EPCAM: variants seen among roughly 807,000 people sequenced by gnomAD.
EPCAM encodes adenocarcinoma-associated antigen.
In EPCAM, 39 loss-of-function variants were observed where a neutral mutation model predicts 40.0. The observed-to-expected ratio is 0.98, with a 90% CI of 0.76 to 1.27. The LOEUF (loss-of-function observed/expected upper bound fraction) is 1.27, where lower values mean the gene tolerates loss of function less well. Among genes scored for constraint, EPCAM ranks in the 50% most tolerant of loss-of-function variants. The pLI, the probability that EPCAM is intolerant of heterozygous loss-of-function variation, is 0.00. For synonymous variants in EPCAM, 168 were observed against 132.3 expected (o/e 1.27, Z -1.85); for missense variants, 503 against 381.2 (o/e 1.32, Z -2.66).
rs587780557 is a variant in EPCAM, at chr2:47,373,922, A to G, written c.299A>G (p.Asp100Gly). Reference sequence around the variant, plus strand: ...GATGGGCTTTATGATCCTGACTGCGATGAGAGCGGGCTCTTTAAGGCCAAG... The same window carrying G: ...GATGGGCTTTATGATCCTGACTGCGGTGAGAGCGGGCTCTTTAAGGCCAAG... ...NNDGLYDPDC[D>G]ESGLFKAKQC... The change falls in exon 3 of 9, where the codon GAT (aspartate) becomes GGT (glycine). Residue 100 changes from aspartate to glycine, a missense_variant. Asp to Gly is a moderately conservative substitution (Grantham distance 94, BLOSUM62 -1). Coordinates refer to ENST00000263735, the MANE Select transcript of EPCAM (RefSeq NM_002354.3). 9 of 1,614,144 alleles carry G rather than the reference A, an allele frequency of 5.6e-6. No homozygotes were observed. The East Asian group carries it at 6.7e-5, about 12-fold the overall frequency.
intron 7 of EPCAM, among the ~76,000 whole-genome samples, chr2:47,381,718 A>G (rs111577848): frequency 2.0e-4 from 31 of 152,274 alleles, no homozygotes; most frequent in African/African-American, 7.0e-4. Context: ...GTGGTAGGGG[A>G]AATTATGTAA....
rs975216880 is a variant in EPCAM at position 47,380,055 on chromosome 2, C to G, written c.858+86C>G. The G allele has an allele frequency of 1.9e-5, 30 of 1,544,254 alleles. No individual in the cohort carries two copies. The African/African-American group carries it at 3.2e-4, about 16-fold the overall frequency. ...TGGCTGGGCGCGGTGGCTCACCACA[C>G]CTGTTATCCCTACACTTTGGGAGGC... On this transcript the variant is annotated intron_variant, in intron 7 of 8. Transcript: ENST00000263735.
chr2:47,370,179 C>T (rs918234623), intron 1 of EPCAM, among the ~76,000 whole-genome samples: 4 of 152,220 alleles, frequency 2.6e-5, no homozygotes, highest in African/African-American at 9.6e-5. Flanking sequence ...GTAGGGAACG[C>T]AGAAATAATA....
In EPCAM at chr2:47,379,798, G is replaced by A. The variant is rs13398742; in HGVS notation, c.687G>A (p.Lys229=). 6.2e-7 allele frequency: 1 copy of A among 1,613,726 alleles called. No individual in the cohort carries two copies. The highest frequency in any genetic ancestry group is 8.5e-7 in the Non-Finnish European group (1 of 1,179,940). ...AAGGTGAATCCTTGTTTCATTCTAA[G>A]AAAATGGACCTGACAGTAAATGGGG... ...DVKGESLFHS[K]KMDLTVNGEQ... is the part of the protein sequence containing the mutation. The change falls in exon 7 of 9, where the codon AAG becomes AAA. Residue 229 remains lysine, a synonymous_variant. Transcript: ENST00000263735.
Position 47,369,536 on chromosome 2 carries a change from C to T in EPCAM, c.31C>T (p.Leu11Phe), listed in dbSNP as rs1041354853. 7.6e-6 allele frequency: 12 copies of T among 1,581,472 alleles called. No individual in the cohort carries two copies. The highest frequency in any genetic ancestry group is 1.0e-5 in the Non-Finnish European group (12 of 1,168,652). Residue 11 changes from leucine (L) to phenylalanine (F), a missense_variant, in exon 1 of 9, where the codon CTT (leucine) becomes TTT (phenylalanine). By Grantham distance (22) the Leu-to-Phe change is conservative (BLOSUM62 0). Transcript: ENST00000263735. MAPPQVLAFG[L>F]LLAAATATFA... is the part of the protein sequence containing the mutation. Reference sequence around the variant, plus strand: ...GCCCCCGCAGGTCCTCGCGTTCGGGCTTCTGCTTGCCGCGGCGACGGCGAC... The same window carrying T: ...GCCCCCGCAGGTCCTCGCGTTCGGGTTTCTGCTTGCCGCGGCGACGGCGAC...
chr2:47,374,178 C>A, intron 3 of EPCAM, 130 bp downstream of exon 3: 1 of 1,100,446 alleles, frequency 9.1e-7, no homozygotes, highest in Non-Finnish European at 1.3e-6. Context: ...GAAAAGCTTC[C>A]TTCTCATTCC....
intron 1 of EPCAM, chr2:47,369,955 C>T (rs1671205478): frequency 8.0e-6 from 3 of 373,756 alleles, no homozygotes; most frequent in South Asian, 6.4e-5. Flanking sequence ...TCCAAAACAG[C>T]CCCAGCCGGT....
rs1037022968 is a variant in EPCAM, at chr2:47,386,941, G to A, written c.*328G>A. ...AAATCTGAAAAACTGATTTGTGATT[G>A]AAAGCTGCCTTTCTATTTACTTGAG... On this transcript the variant is annotated 3_prime_UTR_variant, in exon 9 of 9. Transcript: ENST00000263735. The A allele has an allele frequency of 3.0e-5, 8 of 262,482 alleles. No homozygotes were observed. The highest frequency in any genetic ancestry group is 1.5e-4 in the African/African-American group (7 of 46,124). 16.3% of individuals were successfully genotyped at this position (262,482 alleles called of 1,614,324 possible). A position where few individuals can be genotyped will look rare whatever the true frequency, so the allele number is the denominator to read the frequency against.
chr2:47,383,654 A>G (rs1215555422), intron 7 of EPCAM, among the ~76,000 whole-genome samples: 3 of 22,510 alleles, frequency 1.3e-4, no homozygotes, highest in African/African-American at 3.2e-4. Flanking sequence ...TTTTTTTTTG[A>G]GATGGAGTCT....
At chr2:47,370,391 C>T (rs995184164) in intron 1 of EPCAM, among the ~76,000 whole-genome samples, 1 of 151,634 alleles carries the variant, frequency 6.6e-6, no homozygotes, top group East Asian at 1.9e-4. Flanking sequence ...CCTGCCTCAG[C>T]CTCCTGAGTA....
chr2:47,376,396 A>G (rs1023713419), intron 4 of EPCAM, among the ~76,000 whole-genome samples: 1 of 151,650 alleles, frequency 6.6e-6, no homozygotes, highest in Non-Finnish European at 1.5e-5. Context: ...AGCTGGGATT[A>G]CAGGCGTGCG....
intron 5 of EPCAM, chr2:47,377,744 T>C: frequency 2.2e-6 from 1 of 455,546 alleles, no homozygotes. Flanking sequence ...GGTGCATATT[T>C]ACTTTAGGAT....
chr2:47,369,512 C>A lies in EPCAM; in HGVS notation c.7C>A (p.Pro3Thr), dbSNP rs587780772. MA[P>T]PQVLAFGLLL... ...TTCTCGGCGCGCGCGCAGCATGGCG[C>A]CCCCGCAGGTCCTCGCGTTCGGGCT... The change falls in exon 1 of 9, where the codon CCC becomes ACC. Residue 3 changes from proline to threonine, a missense_variant. Physicochemically the swap from Pro to Thr is conservative, Grantham distance 38 (BLOSUM62 -1). Coordinates refer to ENST00000263735, the MANE Select transcript of EPCAM (RefSeq NM_002354.3). 2 of 1,556,410 alleles carry A rather than the reference C, an allele frequency of 1.3e-6. No individual in the cohort carries two copies. The highest frequency in any genetic ancestry group is 3.9e-5 in the Admixed American group (2 of 51,932).
intron 7 of EPCAM, among the ~76,000 whole-genome samples, chr2:47,383,818 G>A (rs997399841): frequency 6.6e-6 from 1 of 150,522 alleles, no homozygotes; most frequent in Admixed American, 6.6e-5. Flanking sequence ...TGTATTTCTA[G>A]TAGAGATAGG....
chr2:47,371,540 T>C (rs1011189703), intron 1 of EPCAM, among the ~76,000 whole-genome samples: 7 of 152,244 alleles, frequency 4.6e-5, no homozygotes, highest in African/African-American at 1.7e-4. Context: ...AATTATACTC[T>C]CAAAGTAATG....
At chr2:47,369,796 C>A in intron 1 of EPCAM, 1 of 686,336 alleles carries the variant, frequency 1.5e-6, no homozygotes, top group Non-Finnish European at 2.7e-6. Context: ...CACTTCGCAG[C>A]TTTGCTCGCC....
rs535401857 is a variant in EPCAM at position 47,379,864 on chromosome 2, T to G, written c.753T>G (p.Tyr251Ter). ...ATCCTGGTCAAACTTTAATTTATTATGTTGATGAAAAAGCACCTGAATTCT... is the reference window on the plus strand; with the variant it reads ...ATCCTGGTCAAACTTTAATTTATTAGGTTGATGAAAAAGCACCTGAATTCT... ...DLDPGQTLIY[Y>*]VDEKAPEFSM... is the part of the protein sequence containing the mutation. Residue 251 changes from tyrosine to a stop codon, truncating the protein, a stop_gained, in exon 7 of 9, where the codon TAT becomes TAG. Coordinates refer to ENST00000263735, the MANE Select transcript of EPCAM (RefSeq NM_002354.3). LOFTEE classifies it high-confidence loss of function. The G allele has an allele frequency of 1.9e-6, 3 of 1,614,154 alleles. No individual in the cohort carries two copies. The highest frequency in any genetic ancestry group is 2.7e-5 in the African/African-American group (2 of 75,026).
At chr2:47,378,299 CTTTTTTT>C (rs70940676) in intron 5 of EPCAM, among the ~76,000 whole-genome samples, 9 of 118,684 alleles carry the variant, frequency 7.6e-5, no homozygotes, top group African/African-American at 1.3e-4. Context: ...TTTTTCTTTT[CTTTTTTT>C]TTTTTTTTTT....
rs113010080 is a variant in EPCAM at position 47,386,440 on chromosome 2, A to G, written c.904-132A>G. On this transcript the variant is annotated intron_variant, in intron 8 of 8. Coordinates refer to ENST00000263735, the MANE Select transcript of EPCAM (RefSeq NM_002354.3). ...TATAACTTTTTCTTTTTTTATTTAAATAAGTCTTATAAATGTGGGAAAAAA... is the reference window on the plus strand; with the variant it reads ...TATAACTTTTTCTTTTTTTATTTAAGTAAGTCTTATAAATGTGGGAAAAAA... The G allele has an allele frequency of 2.5e-3, 1,645 of 652,588 alleles. 10 individuals are homozygous for G. The African/African-American group carries it at 0.027, about 11-fold the overall frequency. The allele number at this position is 652,588 out of a possible 1,614,324, so 40.4% of individuals were successfully genotyped here.
Sources: allele counts gnomAD v4.1 joint callset (sites outside exome capture counted in the v4.1 genomes callset), GRCh38; gene constraint gnomAD v4.1.1; transcripts MANE v1.5; gene names NCBI Gene and HGNC (gene_info 2026-07-23, HGNC 2026-07-21).